Variants in HEATR4 observed in about 807,000 individuals in gnomAD.
HEATR4 encodes HEAT repeat-containing protein 4.
In HEATR4, 95 loss-of-function variants were observed where a neutral mutation model predicts 108.8. The observed-to-expected ratio is 0.87, with a 90% CI of 0.74 to 1.04. The LOEUF (loss-of-function observed/expected upper bound fraction) is 1.04, where lower values mean the gene tolerates loss of function less well. Among genes scored for constraint, HEATR4 ranks in the 50% least tolerant of loss-of-function variants. HEATR4 has a pLI of 0.00. For synonymous variants in HEATR4, 443 were observed against 459.4 expected (o/e 0.96, Z 0.46); for missense variants, 1,152 against 1,253.8 (o/e 0.92, Z 1.23).
chr14:73,563,213 T>C (rs990585669), upstream of HEATR4, among the ~76,000 whole-genome samples: 1 of 151,902 alleles, frequency 6.6e-6, no homozygotes, highest in Non-Finnish European at 1.5e-5. Flanking sequence ...GGCCGACTCT[T>C]ATAGAAAATA....
the HEATR4 span, among the ~76,000 whole-genome samples, chr14:73,603,600 A>G: frequency 6.6e-6 from 1 of 151,470 alleles, no homozygotes; most frequent in Non-Finnish European, 1.5e-5. Flanking sequence ...TGATCCACCC[A>G]CCTCAGCCTC....
At chr14:73,612,803 A>C in the HEATR4 span, 2 of 1,402,358 alleles carry the variant, frequency 1.4e-6, no homozygotes, top group East Asian at 3.0e-5. Flanking sequence ...GCTCCAGCCC[A>C]TGGGGCTGCT....
intron 17 of HEATR4, among the ~76,000 whole-genome samples, chr14:73,486,070 T>C (rs1453088023): frequency 6.6e-6 from 1 of 152,178 alleles, no homozygotes; most frequent in East Asian, 1.9e-4. Context: ...GGGTCAAAGA[T>C]ATCAAAATTT....
the HEATR4 span, among the ~76,000 whole-genome samples, chr14:73,629,542 A>G: frequency 2.8e-3 from 433 of 152,320 alleles, 1 homozygote; most frequent in Non-Finnish European, 4.9e-3. Context: ...TTCCAGCTTG[A>G]GGAGAGACTG....
the HEATR4 span, among the ~76,000 whole-genome samples, chr14:73,572,615 A>C: frequency 7.5e-6 from 1 of 133,658 alleles, no homozygotes; most frequent in South Asian, 2.6e-4. Context: ...TATGTCTTAA[A>C]AGTGTTGCCT....
chr14:73,537,602 G>A, intron 1 of HEATR4: 1 of 1,219,016 alleles, frequency 8.2e-7, no homozygotes, highest in Non-Finnish European at 1.1e-6. Context: ...TGGCGAGCTG[G>A]ACCTGGAGCG....
intron 12 of HEATR4, among the ~76,000 whole-genome samples, chr14:73,500,174 G>A (rs769686716): frequency 6.6e-6 from 1 of 152,158 alleles, no homozygotes; most frequent in Non-Finnish European, 1.5e-5. Flanking sequence ...AGCTTGCAGT[G>A]AGCCGAGATG....
In HEATR4 at chr14:73,506,482, A is replaced by G. The variant is rs375929384; in HGVS notation, c.1971T>C (p.Ser657=). ...IVACQAFSRI[S]GNVCLDMKHK... ...AGAGGTTTACCAAGCAGACATTTCC[A>G]CTGATCCGGGAGAAAGCCTGGCAGG... is the stretch of plus-strand genomic sequence containing the variant. The change falls in exon 10 of 18, where the codon AGT becomes AGC. Residue 657 remains serine, a synonymous_variant. Coordinates refer to ENST00000553558, the MANE Select transcript of HEATR4 (RefSeq NM_001220484.1). 6.2e-7 allele frequency: 1 copy of G among 1,613,344 alleles called. No homozygotes were observed. The highest frequency in any genetic ancestry group is 1.3e-5 in the African/African-American group (1 of 74,910).
chr14:73,585,574 A>G, the HEATR4 span, among the ~76,000 whole-genome samples: 1 of 152,070 alleles, frequency 6.6e-6, no homozygotes, highest in Non-Finnish European at 1.5e-5. Flanking sequence ...CTGTAATCCC[A>G]GCTACGGGGG....
intron 17 of HEATR4, among the ~76,000 whole-genome samples, chr14:73,483,150 G>A (rs999957790): frequency 3.3e-5 from 5 of 152,136 alleles, no homozygotes; most frequent in African/African-American, 1.2e-4. Flanking sequence ...ACATAGCACT[G>A]TACTCTAGTT....
chr14:73,597,746 ACCATG>A, the HEATR4 span, among the ~76,000 whole-genome samples: 4 of 151,418 alleles, frequency 2.6e-5, no homozygotes, highest in Admixed American at 1.3e-4. Flanking sequence ...GGTACCTGCC[ACCATG>A]CCTGGCTAAT....
chr14:73,513,500 C>T (rs1228925671), intron 6 of HEATR4, among the ~76,000 whole-genome samples: 1 of 150,186 alleles, frequency 6.7e-6, no homozygotes, highest in East Asian at 2.0e-4. Context: ...CCAAGGCGGG[C>T]AGATCACCTG....
At chr14:73,571,871 A>C in the HEATR4 span, among the ~76,000 whole-genome samples, 2 of 152,160 alleles carry the variant, frequency 1.3e-5, no homozygotes, top group African/African-American at 4.8e-5. Flanking sequence ...ATTTGAGGTT[A>C]CTGGATACTT....
the HEATR4 span, chr14:73,569,030 G>A: frequency 2.9e-5 from 18 of 628,754 alleles, no homozygotes; most frequent in Non-Finnish European, 4.1e-5. Context: ...CCCTGGTCCA[G>A]CCCATTCCGC....
At chr14:73,587,904 T>C in the HEATR4 span, among the ~76,000 whole-genome samples, 1 of 152,222 alleles carries the variant, frequency 6.6e-6, no homozygotes, top group Non-Finnish European at 1.5e-5. Flanking sequence ...CAAATCTAAA[T>C]ACAACACAGT....
the HEATR4 span, among the ~76,000 whole-genome samples, chr14:73,566,434 G>A: frequency 6.6e-6 from 1 of 152,116 alleles, no homozygotes; most frequent in African/African-American, 2.4e-5. Context: ...ACGGAGGCGG[G>A]GGGAGGCTCA....
At chr14:73,630,368 T>A in the HEATR4 span, among the ~76,000 whole-genome samples, 1 of 152,230 alleles carries the variant, frequency 6.6e-6, no homozygotes. Context: ...TTCTTTGCAG[T>A]CAACTTCTCT....
Position 73,544,629 on chromosome 14 carries a change from C to T in HEATR4, c.-152+14122G>A, listed in dbSNP as rs1889202134. Among the ~76,000 whole-genome samples, 4 of 115,438 alleles carry T rather than the reference C, an allele frequency of 3.5e-5. 1 individual carries two copies. 75.7% of individuals were successfully genotyped at this position (115,438 alleles called of 152,430 possible). On this transcript the variant is annotated intron_variant, in intron 1 of 17. Transcript: ENST00000553558. The stretch of plus-strand genomic sequence containing the variant: ...ATTACATAAGCGATTTTAACAATGA[C>T]AAATGTGAAATTCAATAACAATTTA...
chr14:73,569,684 C>G, the HEATR4 span: 1 of 1,609,412 alleles, frequency 6.2e-7, no homozygotes, highest in Non-Finnish European at 8.5e-7. Flanking sequence ...CCTTGGAGCC[C>G]GAGAAACCTT....
Sources: gnomAD v4.1 joint callset for allele counts (sites outside exome capture counted in the v4.1 genomes callset) on GRCh38, gnomAD v4.1.1 for gene constraint, MANE v1.5 for transcripts, NCBI Gene and HGNC (gene_info 2026-07-23, HGNC 2026-07-21) for gene names.